Variants in CACNA2D3 observed in about 807,000 individuals in gnomAD.
CACNA2D3 encodes voltage-dependent calcium channel subunit alpha-2/delta-3.
Under a neutral mutation model 160.6 loss-of-function variants are expected in CACNA2D3, and 60 were observed. The observed-to-expected ratio is 0.37, with a 90% CI of 0.30 to 0.46. CACNA2D3 has a LOEUF of 0.46. Ranked by LOEUF, CACNA2D3 falls within the 20% of genes least tolerant of loss-of-function variation. CACNA2D3 has a pLI of 1.00. For synonymous variants in CACNA2D3, 558 were observed against 492.9 expected (o/e 1.13, Z -1.75); for missense variants, 1,205 against 1,365.0 (o/e 0.88, Z 1.85).
chr3:54,946,532 T>C (rs974849493), intron 27 of CACNA2D3, among the ~76,000 whole-genome samples: 3 of 152,068 alleles, frequency 2.0e-5, no homozygotes, highest in Non-Finnish European at 4.4e-5. Flanking sequence ...AGAGAAAGCC[T>C]CTTAGAAACA....
intron 35 of CACNA2D3, among the ~76,000 whole-genome samples, chr3:55,039,521 TGAA>T (rs140873687): frequency 0.016 from 2,385 of 152,326 alleles, 56 homozygotes; most frequent in African/African-American, 0.055. Flanking sequence ...TGTTTTGTCT[TGAA>T]GATATAATTT....
intron 27 of CACNA2D3, among the ~76,000 whole-genome samples, chr3:54,944,666 C>T (rs977324639): frequency 6.6e-6 from 1 of 152,134 alleles, no homozygotes; most frequent in Non-Finnish European, 1.5e-5. Context: ...CATGATCCGC[C>T]TGCCTCAGCC....
chr3:55,012,774 C>T (rs532915736), intron 34 of CACNA2D3, among the ~76,000 whole-genome samples: 68 of 152,144 alleles, frequency 4.5e-4, no homozygotes, highest in Non-Finnish European at 2.1e-4. Context: ...CTCAAAGTAT[C>T]GATAATGCCA....
At chr3:54,710,163 C>T (rs1311584508) in intron 11 of CACNA2D3, among the ~76,000 whole-genome samples, 1 of 152,100 alleles carries the variant, frequency 6.6e-6, no homozygotes, top group Non-Finnish European at 1.5e-5. Flanking sequence ...CACAGGTGAA[C>T]AGTGGTTACT....
intron 35 of CACNA2D3, among the ~76,000 whole-genome samples, chr3:55,020,349 A>G (rs903233601): frequency 4.0e-5 from 6 of 149,012 alleles, no homozygotes; most frequent in Non-Finnish European, 7.4e-5. Flanking sequence ...GTATTATTTC[A>G]TGATATCTAT....
chr3:54,418,346 C>T (rs1007863454), intron 4 of CACNA2D3, among the ~76,000 whole-genome samples: 8 of 152,066 alleles, frequency 5.3e-5, no homozygotes, highest in Admixed American at 5.2e-4. Flanking sequence ...TATTTTAAAG[C>T]CTTTTGTCTT....
intron 27 of CACNA2D3, among the ~76,000 whole-genome samples, chr3:54,933,555 G>C (rs1419316382): frequency 6.6e-6 from 1 of 152,214 alleles, no homozygotes; most frequent in Non-Finnish European, 1.5e-5. Flanking sequence ...TTGTCTAGCA[G>C]TGTGTCTTGG....
At chr3:55,008,934 A>C (rs1703155310) in intron 33 of CACNA2D3, among the ~76,000 whole-genome samples, 1 of 94,466 alleles carries the variant, frequency 1.1e-5, no homozygotes, top group Non-Finnish European at 2.6e-5. Context: ...CAGGGGGCTT[A>C]AACAAGTTCA....
At chr3:54,812,020 A>G (rs1033736001) in intron 13 of CACNA2D3, among the ~76,000 whole-genome samples, 10 of 152,254 alleles carry the variant, frequency 6.6e-5, no homozygotes, top group African/African-American at 2.4e-4. Context: ...TGTCATAATC[A>G]CCTGTCATTA....
At chr3:54,408,003 C>T (rs1049001756) in intron 4 of CACNA2D3, among the ~76,000 whole-genome samples, 14 of 152,138 alleles carry the variant, frequency 9.2e-5, no homozygotes, top group African/African-American at 3.4e-4. Context: ...GTGTATCAGG[C>T]ACTGTACTGT....
chr3:55,056,417 A>G (rs1401585502), intron 35 of CACNA2D3, among the ~76,000 whole-genome samples: 1 of 152,210 alleles, frequency 6.6e-6, no homozygotes, highest in East Asian at 1.9e-4. Context: ...AAAACTAAAA[A>G]TAGAATTACC....
chr3:54,152,109 G>C (rs912416732), intron 2 of CACNA2D3, among the ~76,000 whole-genome samples: 9 of 152,232 alleles, frequency 5.9e-5, no homozygotes, highest in African/African-American at 2.2e-4. Context: ...ATTGACTTGT[G>C]TTTGGTTATC....
At chr3:54,794,383 A>G (rs185581378) in intron 13 of CACNA2D3, among the ~76,000 whole-genome samples, 218 of 151,706 alleles carry the variant, frequency 1.4e-3, no homozygotes, top group Non-Finnish European at 2.7e-3. Context: ...TTACTTCCAC[A>G]TATGTTATAA....
chr3:54,998,062 C>G (rs1702897194), intron 31 of CACNA2D3, among the ~76,000 whole-genome samples: 1 of 152,024 alleles, frequency 6.6e-6, no homozygotes, highest in South Asian at 2.1e-4. Flanking sequence ...CTTAGTTTCC[C>G]CTTATATAAA....
chr3:54,789,172 T>G (rs1224902440), intron 13 of CACNA2D3, among the ~76,000 whole-genome samples: 1 of 152,192 alleles, frequency 6.6e-6, no homozygotes, highest in Non-Finnish European at 1.5e-5. Context: ...TATATAACAG[T>G]CTTATGAGAT....
chr3:54,209,164 G>A (rs1176465293), intron 2 of CACNA2D3, among the ~76,000 whole-genome samples: 1 of 152,182 alleles, frequency 6.6e-6, no homozygotes, highest in Admixed American at 6.5e-5. Flanking sequence ...TATCAGAAGG[G>A]AAGTCTCAGA....
At chr3:54,213,358 C>A (rs1701409706) in intron 2 of CACNA2D3, among the ~76,000 whole-genome samples, 1 of 152,204 alleles carries the variant, frequency 6.6e-6, no homozygotes, top group Non-Finnish European at 1.5e-5. Context: ...GTTACTGTGG[C>A]TATTCACCAG....
chr3:54,919,858 A>G (rs902030684), intron 27 of CACNA2D3, among the ~76,000 whole-genome samples: 2 of 152,166 alleles, frequency 1.3e-5, no homozygotes, highest in Admixed American at 1.3e-4. Context: ...ATGAAACAAC[A>G]TCCAAACCCA....
At chr3:54,814,542 C>G (rs899076941) in intron 13 of CACNA2D3, among the ~76,000 whole-genome samples, 1 of 152,254 alleles carries the variant, frequency 6.6e-6, no homozygotes, top group Non-Finnish European at 1.5e-5. Context: ...ATGTGCTATT[C>G]TACCCTGAGA....
Sources: gnomAD v4.1 joint callset for allele counts (sites outside exome capture counted in the v4.1 genomes callset) on GRCh38, gnomAD v4.1.1 for gene constraint, MANE v1.5 for transcripts, NCBI Gene and HGNC (gene_info 2026-07-23, HGNC 2026-07-21) for gene names.